The following RNF130 variants were observed in gnomAD, a reference collection of about 807,000 sequenced individuals.
RNF130 encodes the protein E3 ubiquitin-protein ligase RNF130.
RNF130 carries 21 observed loss-of-function variants against 44.6 expected under a neutral mutation model. That is an observed-to-expected ratio of 0.47 (90% CI 0.33 to 0.68). RNF130 has a LOEUF of 0.68. Among genes scored for constraint, RNF130 ranks in the 30% least tolerant of loss-of-function variants. RNF130 has a pLI of 0.02. For missense variants in RNF130, 479 were observed against 560.6 expected, an observed-to-expected ratio of 0.85 and a Z score of 1.47; for synonymous variants, 214 against 210.4, an observed-to-expected ratio of 1.02 and a Z score of -0.15.
chr5:179,970,281 A>G (rs940332970), intron 6 of RNF130, 129 bp downstream of exon 6: 24 of 625,176 alleles, frequency 3.8e-5, no homozygotes, highest in African/African-American at 5.5e-5. Flanking sequence ...ACATGGTTAC[A>G]TGGCAAATAT....
intron 3 of RNF130, among the ~76,000 whole-genome samples, chr5:179,999,453 G>A (rs1003009870): frequency 1.3e-5 from 2 of 152,114 alleles, no homozygotes; most frequent in Admixed American, 1.3e-4. Flanking sequence ...CGGCCATGGT[G>A]GCTTACGCCT....
chr5:180,040,398 A>G, intron 2 of RNF130, 55 bp downstream of exon 2: 4 of 1,508,110 alleles, frequency 2.7e-6, no homozygotes, highest in Non-Finnish European at 3.6e-6. Context: ...GCTTACCTAT[A>G]AAGCAATGAT....
Position 179,978,294 on chromosome 5 carries a change from A to G in RNF130, c.766-9T>C. 3.1e-6 allele frequency: 5 copies of G among 1,600,288 alleles called. No individual in the cohort carries two copies. Among genetic ancestry groups the G allele is most frequent in the South Asian group, 2.2e-5 (2 of 90,764 alleles). On this transcript the variant is annotated splice_polypyrimidine_tract_variant and intron_variant, in intron 4 of 8. Transcript: ENST00000521389. ...AAGTCTGGGTCAGTTTCCTAAAATG[A>G]AAAGTACAGAAACAAAAAGTCACAC... is the stretch of plus-strand genomic sequence containing the variant.
At chr5:180,061,068 CAAAAAAA>C (rs57744473) in intron 1 of RNF130, among the ~76,000 whole-genome samples, 2 of 53,600 alleles carry the variant, frequency 3.7e-5, no homozygotes, top group African/African-American at 1.7e-4. Context: ...GACTCCGTCT[CAAAAAAA>C]AAAAAAAAAA....
chr5:180,058,504 C>T (rs1017386759), intron 1 of RNF130, among the ~76,000 whole-genome samples: 4 of 152,238 alleles, frequency 2.6e-5, no homozygotes, highest in Non-Finnish European at 4.4e-5. Flanking sequence ...GAGTGGTGTT[C>T]GCAGGGGCTG....
chr5:180,045,324 A>G lies in RNF130; in HGVS notation c.248-4677T>C, dbSNP rs370717516. ...TTCAAGAAGGAAGCCGCGGACCCTC[A>G]CGGTGTTACAGTTCTTAAAGATGGT... On this transcript the variant is annotated intron_variant, in intron 1 of 8. Coordinates refer to ENST00000521389, the MANE Select transcript of RNF130 (RefSeq NM_018434.6). Among the ~76,000 whole-genome samples the G allele has an allele frequency of 2.0e-4, 31 of 152,262 alleles. 1 individual carries two copies. In the East Asian group the frequency reaches 6.0e-3, roughly 29 times the overall value.
downstream of RNF130, among the ~76,000 whole-genome samples, chr5:179,950,081 A>C (rs544027249): frequency 5.8e-4 from 89 of 152,264 alleles, no homozygotes; most frequent in African/African-American, 2.1e-3. Flanking sequence ...TCATTATTTA[A>C]GGTTGACAGT....
At chr5:180,022,487 G>A (rs1451610628) in intron 2 of RNF130, among the ~76,000 whole-genome samples, 1 of 152,130 alleles carries the variant, frequency 6.6e-6, no homozygotes, top group Non-Finnish European at 1.5e-5. Flanking sequence ...TTACGTAAAT[G>A]TGAACTACAA....
chr5:180,053,277 G>C (rs938711251), intron 1 of RNF130, among the ~76,000 whole-genome samples: 1 of 152,074 alleles, frequency 6.6e-6, no homozygotes, highest in African/African-American at 2.4e-5. Context: ...ACAGTGGCCA[G>C]GCATATCCCG....
intron 2 of RNF130, among the ~76,000 whole-genome samples, chr5:180,024,245 GA>G (rs1378522990): frequency 6.6e-6 from 1 of 151,556 alleles, no homozygotes. Flanking sequence ...TCCTAGAACA[GA>G]AAAAAAACTA....
At chr5:180,061,474 T>C (rs771362349) in intron 1 of RNF130, among the ~76,000 whole-genome samples, 32 of 152,160 alleles carry the variant, frequency 2.1e-4, no homozygotes, top group Non-Finnish European at 3.7e-4. Flanking sequence ...GTCTCACAGT[T>C]CTGGGGCCCC....
intron 7 of RNF130, chr5:179,933,931 C>A: frequency 1.9e-6 from 1 of 530,468 alleles, no homozygotes; most frequent in South Asian, 1.8e-5. Context: ...GACTGTTCTG[C>A]CATTTTTTCT....
chr5:180,058,624 C>T (rs1561711577), intron 1 of RNF130, among the ~76,000 whole-genome samples: 1 of 150,456 alleles, frequency 6.6e-6, no homozygotes, highest in East Asian at 2.0e-4. Flanking sequence ...AGTGTGATCT[C>T]GGCTCACTAC....
At chr5:180,041,289 T>C (rs1478764651) in intron 1 of RNF130, among the ~76,000 whole-genome samples, 2 of 152,238 alleles carry the variant, frequency 1.3e-5, no homozygotes, top group East Asian at 1.9e-4. Flanking sequence ...CTCTAATTTA[T>C]GTTAGCAAAA....
chr5:180,016,841 A>G (rs1763747681), intron 2 of RNF130, among the ~76,000 whole-genome samples: 1 of 152,234 alleles, frequency 6.6e-6, no homozygotes, highest in Admixed American at 6.5e-5. Context: ...TGAACCAATT[A>G]AGAGTAAACT....
rs556168053 is a variant in RNF130 at position 180,065,536 on chromosome 5, G to A, written c.247+5920C>T. Reference sequence around the variant, plus strand: ...AGCACTTTGGGAGGCCGAGACAGGCGGATCATGAGGTCAGGAGATCGAGAC... The same window carrying A: ...AGCACTTTGGGAGGCCGAGACAGGCAGATCATGAGGTCAGGAGATCGAGAC... On this transcript the variant is annotated intron_variant, in intron 1 of 8. Coordinates refer to ENST00000521389, the MANE Select transcript of RNF130 (RefSeq NM_018434.6). Among the ~76,000 whole-genome samples, 16 of 152,164 alleles carry A rather than the reference G, an allele frequency of 1.1e-4. No individual in the cohort carries two copies. The East Asian group carries it at 2.9e-3, about 28-fold the overall frequency.
intron 7 of RNF130, among the ~76,000 whole-genome samples, chr5:179,926,794 G>T (rs1761712886): frequency 6.6e-6 from 1 of 152,244 alleles, no homozygotes; most frequent in Non-Finnish European, 1.5e-5. Context: ...GGCTTGCGCT[G>T]GGCATTGGAC....
At chr5:180,065,389 G>A (rs1765078455) in intron 1 of RNF130, among the ~76,000 whole-genome samples, 1 of 152,110 alleles carries the variant, frequency 6.6e-6, no homozygotes, top group Admixed American at 6.5e-5. Context: ...CCGTTTTATG[G>A]CTGTGTAACA....
intron 2 of RNF130, among the ~76,000 whole-genome samples, chr5:180,034,316 A>C (rs1277761006): frequency 2.0e-5 from 3 of 152,106 alleles, no homozygotes; most frequent in African/African-American, 7.2e-5. Flanking sequence ...TACATTCGTA[A>C]GGGATATTGG....
Sources: allele counts gnomAD v4.1 joint callset (sites outside exome capture counted in the v4.1 genomes callset), GRCh38; gene constraint gnomAD v4.1.1; transcripts MANE v1.5; gene names NCBI Gene and HGNC (gene_info 2026-07-23, HGNC 2026-07-21).